Variants in GPN2 observed in about 807,000 individuals in gnomAD.
GPN2 encodes ATP-binding domain 1 family member B.
In GPN2, 27 loss-of-function variants were observed where a neutral mutation model predicts 30.1. The ratio of observed to expected loss-of-function variants is 0.90; its 90% CI spans 0.66 to 1.24. The LOEUF (loss-of-function observed/expected upper bound fraction) is 1.24. GPN2 is among the 50% of genes most tolerant of loss of function. The pLI is 0.00. For missense variants in GPN2, 406 were observed against 405.4 expected, an observed-to-expected ratio of 1.00 and a Z score of -0.01; for synonymous variants, 212 against 174.4, an observed-to-expected ratio of 1.22 and a Z score of -1.70.
In GPN2 at chr1:26,890,226, C is replaced by CA; in HGVS notation, c.-131_-130insT. On this transcript the variant is annotated 5_prime_UTR_variant, in exon 1 of 5. Coordinates refer to ENST00000374135, the MANE Select transcript of GPN2 (RefSeq NM_018066.4). Reference sequence around the variant, plus strand: ...GGCGGCCAGCGTCACTCGCCTCAGGCGGAACAGCTGAGACCGTGTCGCGCA... The same window carrying CA: ...GGCGGCCAGCGTCACTCGCCTCAGGCAGGAACAGCTGAGACCGTGTCGCGCA... The CA allele has an allele frequency of 7.5e-6, 6 of 795,218 alleles. No homozygotes were observed. Among genetic ancestry groups the CA allele is most frequent in the Non-Finnish European group, 1.2e-5 (6 of 521,174 alleles). The allele number at this position is 795,218 out of a possible 1,614,324, so 49.3% of individuals were successfully genotyped here. A position where few individuals can be genotyped will look rare whatever the true frequency, so the allele number is the denominator to read the frequency against.
At chr1:26,888,900 C>A (rs1365061692) in intron 2 of GPN2, 69 bp downstream of exon 2, 3 of 1,521,108 alleles carry the variant, frequency 2.0e-6, no homozygotes, top group Non-Finnish European at 2.7e-6. Flanking sequence ...CAGCTACCTT[C>A]AGCTGAGATG....
chr1:26,889,873 A>G lies in GPN2; in HGVS notation c.224T>C (p.Leu75Pro). 1 of 1,611,970 alleles carries G rather than the reference A, an allele frequency of 6.2e-7. No homozygotes were observed. The highest frequency in any genetic ancestry group is 1.1e-5 in the South Asian group (1 of 90,976). ...GLGDVMDALR[L>P]GPNGGLLYCM... ...GTAGAGCAGGCCGCCGTTGGGCCCC[A>G]GGCGCAGCGCGTCCATCACGTCGCC... The change falls in exon 1 of 5, where the codon CTG becomes CCG. Residue 75 changes from leucine to proline, a missense_variant. Transcript: ENST00000374135.
intron 2 of GPN2, chr1:26,886,561 A>C (rs542196519): frequency 2.3e-6 from 1 of 426,132 alleles, no homozygotes; most frequent in South Asian, 1.7e-5. Context: ...GCGGTGGCTC[A>C]AGCCTGTAAT....
At chr1:26,880,959 T>TC (rs2124292279) in intron 4 of GPN2, among the ~76,000 whole-genome samples, 1 of 152,298 alleles carries the variant, frequency 6.6e-6, no homozygotes, top group East Asian at 1.9e-4. Flanking sequence ...AGCTGACCAC[T>TC]CCCTTATTTG....
chr1:26,886,925 G>A (rs1379475114), intron 2 of GPN2, among the ~76,000 whole-genome samples: 6 of 151,608 alleles, frequency 4.0e-5, no homozygotes, highest in East Asian at 1.9e-4. Context: ...TCCAGGAGGC[G>A]GAGGATGCAG....
rs543949613 is a variant in GPN2, at chr1:26,884,693, T to A, written c.730-403A>T. The stretch of plus-strand genomic sequence containing the variant: ...AATGAATATGCATGTTTTAAATCTA[T>A]AACTGGGCCAGGCACGGTGGTTCAC... On this transcript the variant is annotated intron_variant, in intron 3 of 4. Transcript: ENST00000374135. Among the ~76,000 whole-genome samples, 137 of 152,302 alleles carry A rather than the reference T, an allele frequency of 9.0e-4. 1 individual carries two copies. Among genetic ancestry groups the A allele is most frequent in the African/African-American group, 3.0e-3 (126 of 41,572 alleles).
At chr1:26,886,245 A>C in intron 2 of GPN2, 112 bp from the exon 3 acceptor site, 1 of 702,046 alleles carries the variant, frequency 1.4e-6, no homozygotes. Flanking sequence ...ATATTTCTTG[A>C]CACAGTAAAA....
intron 3 of GPN2, among the ~76,000 whole-genome samples, chr1:26,884,968 G>T (rs2081883237): frequency 6.6e-6 from 1 of 152,074 alleles, no homozygotes; most frequent in South Asian, 2.1e-4. Context: ...GTGACAGAGT[G>T]AGACTCCGTC....
intron 4 of GPN2, among the ~76,000 whole-genome samples, chr1:26,882,311 G>A (rs1349262830): frequency 1.3e-5 from 2 of 151,700 alleles, no homozygotes; most frequent in Non-Finnish European, 2.9e-5. Context: ...TTGAACCCTG[G>A]AGTTGGAGAT....
chr1:26,885,821 T>A (rs1024740975), intron 3 of GPN2, 152 bp downstream of exon 3: 13 of 617,062 alleles, frequency 2.1e-5, no homozygotes, highest in Non-Finnish European at 3.5e-5. Flanking sequence ...CCTCATGATC[T>A]GCCCACCTCG....
In GPN2 at chr1:26,877,181, G is replaced by A. The variant is rs2081841215; in HGVS notation, c.*2496C>T. 1 of 152,180 alleles carries A rather than the reference G, an allele frequency of 6.6e-6. No individual in the cohort carries two copies. Among genetic ancestry groups the A allele is most frequent in the Non-Finnish European group, 1.5e-5 (1 of 68,070 alleles). 9.4% of individuals were successfully genotyped at this position (152,180 alleles called of 1,614,324 possible). On this transcript the variant is annotated 3_prime_UTR_variant, in exon 5 of 5. Transcript: ENST00000374135. ...CTACCTACTCTGTGGGGTGTTAATA[G>A]GGGTGAGGTGCTTTGAACTTCTCAG... is the stretch of plus-strand genomic sequence containing the variant.
In GPN2 at chr1:26,890,253, A is replaced by G. The variant is rs2081915390; in HGVS notation, c.-157T>C. On this transcript the variant is annotated 5_prime_UTR_variant, in exon 1 of 5. Coordinates refer to ENST00000374135, the MANE Select transcript of GPN2 (RefSeq NM_018066.4). ...GAACAGCTGAGACCGTGTCGCGCAA[A>G]AGGAGATAACAGGCCGATACTAACT... The G allele has an allele frequency of 3.1e-6, 2 of 648,096 alleles. No homozygotes were observed. The highest frequency in any genetic ancestry group is 5.0e-6 in the Non-Finnish European group (2 of 397,426). 40.1% of individuals were successfully genotyped at this position (648,096 alleles called of 1,614,324 possible). A position where few individuals can be genotyped will look rare whatever the true frequency, so the allele number is the denominator to read the frequency against.
At chr1:26,880,571 A>G (rs2081859167) in intron 4 of GPN2, among the ~76,000 whole-genome samples, 1 of 152,146 alleles carries the variant, frequency 6.6e-6, no homozygotes, top group Non-Finnish European at 1.5e-5. Flanking sequence ...TTGGCCTCCC[A>G]AAGTGCTGGG....
At chr1:26,886,919 G>A (rs556705438) in intron 2 of GPN2, among the ~76,000 whole-genome samples, 1 of 150,774 alleles carries the variant, frequency 6.6e-6, no homozygotes, top group South Asian at 2.1e-4. Flanking sequence ...CTTGAATCCA[G>A]GAGGCGGAGG....
Position 26,889,963 on chromosome 1 carries a change from A to G in GPN2, c.134T>C (p.Leu45Pro). 1 of 1,605,802 alleles carries G rather than the reference A, an allele frequency of 6.2e-7. No individual in the cohort carries two copies. Among genetic ancestry groups the G allele is most frequent in the South Asian group, 1.1e-5 (1 of 90,944 alleles). The change falls in exon 1 of 5, where the codon CTG becomes CCG. Residue 45 changes from leucine to proline, a missense_variant. Coordinates refer to ENST00000374135, the MANE Select transcript of GPN2 (RefSeq NM_018066.4). ...CGGCAGCCCCTCGTTGGCCGGGTCC[A>G]GGTTCACCACCGCCACGCGCCGGCC... ...ALGRRVAVVN[L>P]DPANEGLPYE...
Position 26,889,910 on chromosome 1 carries a change from G to C in GPN2, c.187C>G (p.Leu63Val), listed in dbSNP as rs148895296. 12 of 1,610,148 alleles carry C rather than the reference G, an allele frequency of 7.5e-6. No homozygotes were observed. The highest frequency in any genetic ancestry group is 1.1e-5 in the South Asian group (1 of 90,942). Residue 63 changes from leucine (L) to valine (V), a missense_variant, in exon 1 of 5, where the codon CTG (leucine) becomes GTG (valine). Physicochemically the swap from Leu to Val is conservative, Grantham distance 32. Transcript: ENST00000374135. ...PYECAVDVGE[L>V]VGLGDVMDAL... Reference sequence around the variant, plus strand: ...TCCATCACGTCGCCCAGCCCCACCAGCTCGCCCACGTCCACGGCACACTCG... The same window carrying C: ...TCCATCACGTCGCCCAGCCCCACCACCTCGCCCACGTCCACGGCACACTCG...
chr1:26,886,220 C>T (rs2081890310), intron 2 of GPN2, 87 bp from the exon 3 acceptor site: 2 of 786,688 alleles, frequency 2.5e-6, no homozygotes, highest in Non-Finnish European at 2.1e-6. Context: ...TTCCTTTGTG[C>T]ACTCATGCAC....
chr1:26,885,672 C>T (rs558839935), intron 3 of GPN2, among the ~76,000 whole-genome samples: 41 of 151,268 alleles, frequency 2.7e-4, no homozygotes, highest in African/African-American at 9.7e-4. Flanking sequence ...CTCTGCCTCA[C>T]GGGTTCACGC....
At chr1:26,884,992 CA>C (rs1317722411) in intron 3 of GPN2, among the ~76,000 whole-genome samples, 1 of 151,426 alleles carries the variant, frequency 6.6e-6, no homozygotes, top group Non-Finnish European at 1.5e-5. Flanking sequence ...AAAAACAAAA[CA>C]AAACAAAAAA....
Sources: gnomAD v4.1 joint callset for allele counts (sites outside exome capture counted in the v4.1 genomes callset) on GRCh38, gnomAD v4.1.1 for gene constraint, MANE v1.5 for transcripts, NCBI Gene and HGNC (gene_info 2026-07-23, HGNC 2026-07-21) for gene names.